Variants in HIVEP3 observed in about 807,000 individuals in gnomAD.
HIVEP3 encodes the protein transcription factor HIVEP3.
A neutral mutation model predicts 152.8 loss-of-function variants in HIVEP3; 49 were observed. The ratio of observed to expected loss-of-function variants is 0.32; its 90% CI spans 0.26 to 0.41. The LOEUF is 0.41. Ranked by LOEUF, HIVEP3 falls within the 10% of genes least tolerant of loss-of-function variation. The pLI, the probability that HIVEP3 is intolerant of heterozygous loss-of-function variation, is 1.00. For missense variants in HIVEP3, 2,790 were observed against 3,103.3 expected (o/e 0.90, Z 2.40); for synonymous variants, 1,269 against 1,289.0 (o/e 0.98, Z 0.33).
chr1:41,772,187 T>C (rs1466272392), intron 1 of HIVEP3, among the ~76,000 whole-genome samples: 1 of 151,024 alleles, frequency 6.6e-6, no homozygotes, highest in African/African-American at 2.4e-5. Flanking sequence ...GATTCCTCTA[T>C]ACACCAGGAA....
At chr1:41,621,302 T>C (rs1432575799) in intron 3 of HIVEP3, among the ~76,000 whole-genome samples, 1 of 152,224 alleles carries the variant, frequency 6.6e-6, no homozygotes, top group African/African-American at 2.4e-5. Flanking sequence ...GTAATTCTGT[T>C]ATGGGAGGGT....
intron 2 of HIVEP3, among the ~76,000 whole-genome samples, chr1:41,648,188 A>G (rs1645489969): frequency 6.6e-6 from 1 of 152,150 alleles, no homozygotes; most frequent in Admixed American, 6.5e-5. Context: ...CTCATATGGC[A>G]TTGTGTCTCT....
intron 1 of HIVEP3, among the ~76,000 whole-genome samples, chr1:41,915,736 A>G (rs1644860584): frequency 6.6e-6 from 1 of 152,182 alleles, no homozygotes; most frequent in South Asian, 2.1e-4. Context: ...TTTTCTTCTC[A>G]AGATAGTTCA....
chr1:41,568,707 G>A (rs1239173947), intron 5 of HIVEP3, among the ~76,000 whole-genome samples: 2 of 152,244 alleles, frequency 1.3e-5, no homozygotes, highest in Non-Finnish European at 2.9e-5. Context: ...ATGTAAGACA[G>A]AGTGGCTTTC....
chr1:41,620,987 T>G (rs1238892332), intron 3 of HIVEP3, among the ~76,000 whole-genome samples: 1 of 152,176 alleles, frequency 6.6e-6, no homozygotes, highest in African/African-American at 2.4e-5. Flanking sequence ...CCATAACTGG[T>G]CAGCCCCACA....
intron 1 of HIVEP3, among the ~76,000 whole-genome samples, chr1:41,814,327 G>A (rs1210293226): frequency 6.6e-6 from 1 of 152,162 alleles, no homozygotes; most frequent in East Asian, 1.9e-4. Context: ...GGGTCACGTG[G>A]GGACAGTTCT....
chr1:41,583,415 C>T lies in HIVEP3; in HGVS notation c.1383G>A (p.Val461=), dbSNP rs754123443. The change falls in exon 4 of 9, where the codon GTG becomes GTA. Residue 461 remains valine (V), a synonymous_variant. Transcript: ENST00000372583. This position sits in a 1 kb window ranked among gnomAD's most constrained non-coding sequence, Gnocchi z 6.9. The part of the protein sequence containing the change: ...LVPLSVPRTQ[V]IEHITKLITI... The stretch of plus-strand genomic sequence containing the variant: ...TGATGAGCTTCGTGATGTGCTCGAT[C>T]ACCTGCGTCCGGGGTACAGACAAAG... 2 of 1,613,930 alleles carry T rather than the reference C, an allele frequency of 1.2e-6. No individual in the cohort carries two copies. The highest frequency in any genetic ancestry group is 1.7e-6 in the Non-Finnish European group (2 of 1,179,968).
At chr1:41,937,313 C>G (rs1645024645) in intron 1 of HIVEP3, among the ~76,000 whole-genome samples, 1 of 152,124 alleles carries the variant, frequency 6.6e-6, no homozygotes, top group African/African-American at 2.4e-5. Flanking sequence ...CTGCTGGGCA[C>G]AACACTTTCT....
At chr1:41,992,732 T>C (rs2124518138) in intron 1 of HIVEP3, among the ~76,000 whole-genome samples, 1 of 132,456 alleles carries the variant, frequency 7.5e-6, no homozygotes, top group Admixed American at 7.6e-5. Flanking sequence ...GGCATCACAC[T>C]ACCTGACTTC....
intron 1 of HIVEP3, among the ~76,000 whole-genome samples, chr1:41,774,812 T>TTTA (rs1558258348): frequency 1.0e-4 from 9 of 88,604 alleles, no homozygotes; most frequent in Admixed American, 2.0e-4. Flanking sequence ...TTATTTATTT[T>TTTA]TTGAGACTGG....
chr1:41,531,542 A>C (rs1643254708), intron 5 of HIVEP3, among the ~76,000 whole-genome samples: 1 of 68,472 alleles, frequency 1.5e-5, no homozygotes, highest in Non-Finnish European at 3.0e-5. Flanking sequence ...AGGACAGGGG[A>C]GATGGAGGAC....
At chr1:41,687,661 C>G (rs1233663697) in intron 2 of HIVEP3, among the ~76,000 whole-genome samples, 1 of 152,214 alleles carries the variant, frequency 6.6e-6, no homozygotes, top group Non-Finnish European at 1.5e-5. Context: ...TGACAGAGTC[C>G]CCGGTGCCCC....
At position 41,584,336 on chromosome 1, in the gene HIVEP3, G is replaced by A. The variant is rs138785392; in HGVS notation, c.462C>T (p.Pro154=). 25 of 1,613,636 alleles carry A rather than the reference G, an allele frequency of 1.5e-5. No individual in the cohort carries two copies. The highest frequency in any genetic ancestry group is 7.7e-5 in the South Asian group (7 of 91,036). The change falls in exon 4 of 9, where the codon CCC becomes CCT. Residue 154 remains proline, a synonymous_variant. Transcript: ENST00000372583. The surrounding 1 kb of genome is among the most constrained non-coding windows in gnomAD (Gnocchi z 5.2). Reference sequence around the variant, plus strand: ...CTTTGGGGACTCCAGGAAGGTCCTCGGGGGGAATGATGGAAGCGTGGGAAG... The same window carrying A: ...CTTTGGGGACTCCAGGAAGGTCCTCAGGGGGAATGATGGAAGCGTGGGAAG... ...LLPSHASIIP[P]EDLPGVPKVF... is the part of the protein sequence containing the mutation.
intron 5 of HIVEP3, among the ~76,000 whole-genome samples, chr1:41,544,798 TCAC>T (rs1248412071): frequency 3.3e-4 from 12 of 35,924 alleles, no homozygotes; most frequent in Admixed American, 6.5e-4. Flanking sequence ...ACTGCTACCA[TCAC>T]CACCACCACT....
intron 3 of HIVEP3, among the ~76,000 whole-genome samples, chr1:41,613,601 AT>A (rs1432260476): frequency 6.6e-6 from 1 of 152,262 alleles, no homozygotes; most frequent in African/African-American, 2.4e-5. Context: ...GGGTGTATTA[AT>A]TTGCTAATGA....
At chr1:41,615,710 T>C (rs1246309253) in intron 3 of HIVEP3, among the ~76,000 whole-genome samples, 1 of 150,150 alleles carries the variant, frequency 6.7e-6, no homozygotes, top group East Asian at 2.0e-4. Context: ...AAAACAATCA[T>C]GGGATGGTAA....
intron 1 of HIVEP3, among the ~76,000 whole-genome samples, chr1:41,904,287 C>G (rs1167173436): frequency 6.6e-6 from 1 of 152,170 alleles, no homozygotes; most frequent in Non-Finnish European, 1.5e-5. Flanking sequence ...CCTCCCCACA[C>G]AGCTTGGTGA....
At chr1:41,716,134 A>C (rs969825390) in intron 1 of HIVEP3, among the ~76,000 whole-genome samples, 3 of 152,202 alleles carry the variant, frequency 2.0e-5, no homozygotes, top group African/African-American at 7.2e-5. Context: ...GCTGAGGGCA[A>C]GTCTTAGCCT....
At chr1:41,726,406 T>C (rs1646753063) in intron 1 of HIVEP3, among the ~76,000 whole-genome samples, 1 of 152,192 alleles carries the variant, frequency 6.6e-6, no homozygotes, top group South Asian at 2.1e-4. Flanking sequence ...AGTGAGGCCC[T>C]TTGAGAAGCT....
Sources: gnomAD v4.1 joint callset for allele counts (sites outside exome capture counted in the v4.1 genomes callset) on GRCh38, gnomAD v4.1.1 for gene constraint, Gnocchi (gnomAD v3.1) non-coding constraint, MANE v1.5 for transcripts, NCBI Gene and HGNC (gene_info 2026-07-23, HGNC 2026-07-21) for gene names.